Variants in PTCHD4 observed in about 807,000 individuals in gnomAD.
The protein encoded by PTCHD4 is patched domain containing 4, also known as patched domain-containing protein 4.
PTCHD4 carries 33 observed loss-of-function variants against 58.1 expected under a neutral mutation model. The ratio of observed to expected loss-of-function variants is 0.57; its 90% CI spans 0.43 to 0.76. The LOEUF (loss-of-function observed/expected upper bound fraction) is 0.76, where lower values mean the gene tolerates loss of function less well. Among genes scored for constraint, PTCHD4 ranks in the 30% least tolerant of loss-of-function variants. The pLI, the probability that PTCHD4 is intolerant of heterozygous loss-of-function variation, is 0.00. For synonymous variants in PTCHD4, 478 were observed against 409.6 expected (o/e 1.17, Z -2.02); for missense variants, 1,058 against 1,027.1 (o/e 1.03, Z -0.41).
chr6:47,871,684 T>A lies in PTCHD4; in HGVS notation c.*6619A>T, dbSNP rs182984918. 3.8e-4 allele frequency among the ~76,000 whole-genome samples: 58 copies of A among 151,836 alleles called. No homozygotes were observed. The highest frequency in any genetic ancestry group is 1.3e-3 in the Admixed American group (20 of 15,202). ...GATAAATAATATTGCTTTGTGGCTT[T>A]AATATATTGCCATTTAATCAAAGAT... On this transcript the variant is annotated 3_prime_UTR_variant, in exon 5 of 5. Transcript: ENST00000339488.
intron 4 of PTCHD4, among the ~76,000 whole-genome samples, chr6:47,914,737 CTATCTAT>C (rs373353682): frequency 1.8e-3 from 201 of 112,508 alleles, no homozygotes; most frequent in East Asian, 6.8e-3. Context: ...TATCTATTAT[CTATCTAT>C]TATCTATCTA....
intron 4 of PTCHD4, among the ~76,000 whole-genome samples, chr6:47,955,429 G>A (rs1414653324): frequency 6.6e-6 from 1 of 152,150 alleles, no homozygotes; most frequent in African/African-American, 2.4e-5. Context: ...TAAGCTGACG[G>A]GGGTGGGGCT....
chr6:48,009,665 G>A (rs1440625570), intron 3 of PTCHD4, among the ~76,000 whole-genome samples: 1 of 152,090 alleles, frequency 6.6e-6, no homozygotes, highest in African/African-American at 2.4e-5. Flanking sequence ...ATACCGAAGA[G>A]CAGTACAAAA....
chr6:47,911,561 G>T (rs758653655), intron 4 of PTCHD4, among the ~76,000 whole-genome samples: 43 of 152,222 alleles, frequency 2.8e-4, no homozygotes, highest in South Asian at 1.7e-3. Context: ...AGGAGTAAAG[G>T]ATGATGTCCA....
chr6:47,989,573 C>A (rs2114029961), intron 4 of PTCHD4, among the ~76,000 whole-genome samples: 1 of 152,254 alleles, frequency 6.6e-6, no homozygotes, highest in African/African-American at 2.4e-5. Flanking sequence ...CTAAAAGGGG[C>A]CAAGGTACAG....
At chr6:47,997,261 T>G (rs1768531916) in intron 4 of PTCHD4, among the ~76,000 whole-genome samples, 1 of 151,966 alleles carries the variant, frequency 6.6e-6, no homozygotes, top group Non-Finnish European at 1.5e-5. Flanking sequence ...TCTTTTTTTT[T>G]GTGCTAAAAA....
intron 3 of PTCHD4, 40 bp from the exon 4 acceptor site, chr6:48,009,154 A>C (rs1298399505): frequency 4.5e-6 from 7 of 1,549,932 alleles, no homozygotes; most frequent in Non-Finnish European, 6.1e-6. Flanking sequence ...TTACGGATGT[A>C]TATTCCAGGG....
In PTCHD4 at chr6:48,068,244, C is replaced by T; in HGVS notation, c.403G>A (p.Val135Met). 1 of 1,572,358 alleles carries T rather than the reference C, an allele frequency of 6.4e-7. No individual in the cohort carries two copies. The highest frequency in any genetic ancestry group is 2.3e-5 in the East Asian group (1 of 44,208). ...AEGILQTHRA[V>M]LEMKDGRNSF... Reference sequence around the variant, plus strand: ...TTGTGGTTCACCTTCATTTCCAGCACGGCTCGGTGGGTCTGCAGGATCCCC... The same window carrying T: ...TTGTGGTTCACCTTCATTTCCAGCATGGCTCGGTGGGTCTGCAGGATCCCC... Residue 135 changes from valine (V) to methionine (M), a missense_variant, in exon 3 of 5, where the codon GTG becomes ATG. By Grantham distance (21) the Val-to-Met change is conservative. Transcript: ENST00000339488. This position sits in a 1 kb window ranked among gnomAD's most constrained non-coding sequence, Gnocchi z 4.2.
chr6:47,878,919 A>G lies in PTCHD4; in HGVS notation c.1916T>C (p.Val639Ala). The change falls in exon 5 of 5, where the codon GTG becomes GCG. Residue 639 changes from valine (V) to alanine (A), a missense_variant. Coordinates refer to ENST00000339488, the MANE Select transcript of PTCHD4 (RefSeq NM_001384253.1). ...LSLSKSIRFI[V>A]FNPSFVFMDH... ...CATGAAGACAAAGGAGGGGTTGAAC[A>G]CGATGAATCGGATGCTCTTTGAGAG... 6.2e-7 allele frequency: 1 copy of G among 1,613,440 alleles called. No homozygotes were observed. The highest frequency in any genetic ancestry group is 8.5e-7 in the Non-Finnish European group (1 of 1,179,754).
At chr6:47,884,863 G>A (rs1373996073) in intron 4 of PTCHD4, among the ~76,000 whole-genome samples, 1 of 152,200 alleles carries the variant, frequency 6.6e-6, no homozygotes, top group Non-Finnish European at 1.5e-5. Context: ...GTTAATGACA[G>A]TTTAGGCTGA....
chr6:47,862,942 T>C lies in PTCHD4; in HGVS notation c.*15361A>G, dbSNP rs536893730. Among the ~76,000 whole-genome samples, 1 of 152,078 alleles carries C rather than the reference T, an allele frequency of 6.6e-6. No homozygotes were observed. The highest frequency in any genetic ancestry group is 2.1e-4 in the South Asian group (1 of 4,828). ...TCTGGGAAATCAAATACTGTCTTTA[T>C]GCTACTGGAACATTAATTTCACACA... On this transcript the variant is annotated 3_prime_UTR_variant, in exon 5 of 5. Coordinates refer to ENST00000339488, the MANE Select transcript of PTCHD4 (RefSeq NM_001384253.1).
chr6:48,033,713 G>A (rs1428987208), intron 3 of PTCHD4, among the ~76,000 whole-genome samples: 1 of 151,888 alleles, frequency 6.6e-6, no homozygotes, highest in African/African-American at 2.4e-5. Context: ...ATGAAATTCA[G>A]GTAATTAATA....
At chr6:48,054,762 C>T (rs139862785) in intron 3 of PTCHD4, among the ~76,000 whole-genome samples, 11 of 151,938 alleles carry the variant, frequency 7.2e-5, no homozygotes, top group Non-Finnish European at 1.5e-4. Context: ...TGATGACAAC[C>T]GTGTATTTTA....
chr6:47,982,483 T>C (rs920684579), intron 4 of PTCHD4, among the ~76,000 whole-genome samples: 49 of 139,120 alleles, frequency 3.5e-4, no homozygotes, highest in African/African-American at 7.9e-4. Context: ...ATCTCTCTCT[T>C]TTTTTTTTTT....
chr6:47,927,641 C>A (rs1465140249), intron 4 of PTCHD4, among the ~76,000 whole-genome samples: 1 of 152,138 alleles, frequency 6.6e-6, no homozygotes, highest in Non-Finnish European at 1.5e-5. Context: ...TCCATACATA[C>A]AATTATCTGG....
At chr6:47,998,674 C>A (rs1339513709) in intron 4 of PTCHD4, among the ~76,000 whole-genome samples, 3 of 152,142 alleles carry the variant, frequency 2.0e-5, no homozygotes, top group Non-Finnish European at 4.4e-5. Context: ...ACACACTAGT[C>A]AATGCTACCT....
At chr6:48,063,113 A>C (rs574358455) in intron 3 of PTCHD4, among the ~76,000 whole-genome samples, 1 of 152,220 alleles carries the variant, frequency 6.6e-6, no homozygotes, top group East Asian at 1.9e-4. Flanking sequence ...AGGAATACTC[A>C]AGCTTCTTTG....
chr6:47,885,491 C>T lies in PTCHD4; in HGVS notation c.899-5555G>A, dbSNP rs368776522. Among the ~76,000 whole-genome samples the T allele has an allele frequency of 3.3e-5, 5 of 152,198 alleles. No homozygotes were observed. In the East Asian group the frequency reaches 7.7e-4, roughly 23 times the overall value. On this transcript the variant is annotated intron_variant, in intron 4 of 4. Transcript: ENST00000339488. Reference sequence around the variant, plus strand: ...CATGAAGGTTCTTCATGGTCATGGTCGTGCAGGTCTGCCAGAGTGAATATT... The same window carrying T: ...CATGAAGGTTCTTCATGGTCATGGTTGTGCAGGTCTGCCAGAGTGAATATT...
chr6:47,951,136 C>T (rs1378599536), intron 4 of PTCHD4, among the ~76,000 whole-genome samples: 1 of 152,192 alleles, frequency 6.6e-6, no homozygotes, highest in African/African-American at 2.4e-5. Flanking sequence ...GATATTGTGG[C>T]ATGATCCTCT....
Sources: gnomAD v4.1 joint callset for allele counts (sites outside exome capture counted in the v4.1 genomes callset) on GRCh38, gnomAD v4.1.1 for gene constraint, Gnocchi (gnomAD v3.1) non-coding constraint, MANE v1.5 for transcripts, NCBI Gene and HGNC (gene_info 2026-07-23, HGNC 2026-07-21) for gene names.